The following AGAP6 variants were observed in gnomAD, a reference collection of about 807,000 sequenced individuals.
AGAP6 encodes ArfGAP with GTPase domain, ankyrin repeat and PH domain 6.
In AGAP6, 29 loss-of-function variants were observed where a neutral mutation model predicts 63.9. The observed-to-expected ratio is 0.45, with a 90% CI of 0.34 to 0.62. The LOEUF (loss-of-function observed/expected upper bound fraction) is 0.62. AGAP6 is among the 20% of genes least tolerant of loss of function. The probability of loss-of-function intolerance (pLI) is 0.01; values close to 1 mark genes in which losing one functional copy is unlikely to be tolerated. For synonymous variants in AGAP6, 199 were observed against 332.9 expected, an observed-to-expected ratio of 0.60 and a Z score of 4.38; for missense variants, 493 against 884.9, an observed-to-expected ratio of 0.56 and a Z score of 5.62.
chr10:49,993,695 C>G (rs1309190343), intron 3 of AGAP6, among the ~76,000 whole-genome samples: 2 of 151,934 alleles, frequency 1.3e-5, no homozygotes, highest in African/African-American at 2.4e-5. Flanking sequence ...TGGCATGTGC[C>G]TGTACTCCCA....
chr10:49,989,655 G>A (rs1409015098), intron 2 of AGAP6, among the ~76,000 whole-genome samples: 1 of 152,102 alleles, frequency 6.6e-6, no homozygotes, highest in East Asian at 1.9e-4. Context: ...TGCCACGGGA[G>A]AGGCTATATG....
chr10:49,990,656 A>G (rs1841234559), intron 2 of AGAP6, among the ~76,000 whole-genome samples: 2 of 152,170 alleles, frequency 1.3e-5, no homozygotes, highest in Admixed American at 1.3e-4. Context: ...TTGCATCATA[A>G]ACATATTAAA....
intron 6 of AGAP6, among the ~76,000 whole-genome samples, chr10:50,007,051 AT>A (rs2132160821): frequency 6.6e-6 from 1 of 151,582 alleles, no homozygotes; most frequent in East Asian, 2.0e-4. Flanking sequence ...ACTTTCACAA[AT>A]TTTTAAAATT....
At chr10:49,989,279 C>T (rs1445754353) in intron 1 of AGAP6, 29 bp from the exon 2 acceptor site, 4 of 1,595,720 alleles carry the variant, frequency 2.5e-6, no homozygotes, top group East Asian at 4.5e-5. Context: ...TGATTACATC[C>T]TTTTTCTTTT....
rs1332961409 is a variant in AGAP6 at position 50,001,158 on chromosome 10, G to A, written c.397-838G>A. Among the ~76,000 whole-genome samples, 33 of 148,630 alleles carry A rather than the reference G, an allele frequency of 2.2e-4. No individual in the cohort carries two copies. In the East Asian group the frequency reaches 5.7e-3, roughly 26 times the overall value. On this transcript the variant is annotated intron_variant, in intron 4 of 7. Transcript: ENST00000412531. ...ATCCTGGCTAACACGGTGAAACCCC[G>A]TCTCTACTAAAAATACAAAAAGTTA...
At chr10:50,001,216 G>C (rs1229631057) in intron 4 of AGAP6, among the ~76,000 whole-genome samples, 1 of 148,284 alleles carries the variant, frequency 6.7e-6, no homozygotes, top group Admixed American at 6.7e-5. Context: ...TGTAGTCCCA[G>C]CTACTCAGGA....
chr10:50,010,281 C>G lies in AGAP6; in HGVS notation c.*95C>G. The G allele has an allele frequency of 1.2e-6, 2 of 1,603,888 alleles. No individual in the cohort carries two copies. Among genetic ancestry groups the G allele is most frequent in the South Asian group, 1.1e-5 (1 of 90,460 alleles). On this transcript the variant is annotated 3_prime_UTR_variant, in exon 8 of 8. Transcript: ENST00000412531. ...TTTCAAAAGGAAATCACAAATTCAG[C>G]TAATATTAGCATTTTCAGTACTTTT... is the stretch of plus-strand genomic sequence containing the variant.
At position 50,009,682 on chromosome 10, in the gene AGAP6, G is replaced by A. The variant is rs781884810; in HGVS notation, c.1557G>A (p.Leu519=). The part of the protein sequence containing the change: ...LGPHLSRVRS[L]ELDDWPVELR... Reference sequence around the variant, plus strand: ...CCCACCTTTCCCGTGTGCGATCTCTGGAGCTGGATGACTGGCCAGTTGAGC... The same window carrying A: ...CCCACCTTTCCCGTGTGCGATCTCTAGAGCTGGATGACTGGCCAGTTGAGC... The change falls in exon 8 of 8, where the codon CTG becomes CTA. Residue 519 remains leucine, a synonymous_variant. Transcript: ENST00000412531. The A allele has an allele frequency of 9.9e-6, 16 of 1,614,114 alleles. No individual in the cohort carries two copies. The South Asian group carries it at 1.6e-4, about 17-fold the overall frequency.
Position 50,009,771 on chromosome 10 carries a change from A to G in AGAP6, c.1646A>G (p.Gln549Arg). The change falls in exon 8 of 8, where the codon CAG becomes CGG. Residue 549 changes from glutamine to arginine, a missense_variant. Around this residue, in one of 7 missense-constraint regions of AGAP6, gnomAD observed 87 missense variants for 92.9 expected, o/e 0.94. Transcript: ENST00000412531. ...LANSIWEGSS[Q>R]GQTKPSEKST... ...AACAGCATCTGGGAAGGGAGCAGCC[A>G]GGGGCAGACAAAACCCTCAGAAAAG... The G allele has an allele frequency of 4.3e-6, 7 of 1,614,014 alleles. No individual in the cohort carries two copies. Among genetic ancestry groups the G allele is most frequent in the Non-Finnish European group, 4.2e-6 (5 of 1,179,964 alleles).
Position 50,004,614 on chromosome 10 carries a change from C to G in AGAP6, c.498-71C>G. The G allele has an allele frequency of 3.9e-6, 3 of 767,704 alleles. No individual in the cohort carries two copies. In the South Asian group the frequency reaches 5.7e-5, roughly 15 times the overall value. The allele number at this position is 767,704 out of a possible 1,614,324, so 47.6% of individuals were successfully genotyped here. A position where few individuals can be genotyped will look rare whatever the true frequency, so the allele number is the denominator to read the frequency against. On this transcript the variant is annotated intron_variant, in intron 5 of 7. Coordinates refer to ENST00000412531, the MANE Select transcript of AGAP6 (RefSeq NM_001077665.3). ...CCGCTAGGAGAGTTTCCTCTGCCCC[C>G]CTTTTAAAAAATGTCTTCAGGCCTA... is the stretch of plus-strand genomic sequence containing the variant.
At chr10:49,995,886 T>C (rs1185124680) in intron 4 of AGAP6, among the ~76,000 whole-genome samples, 13 of 152,208 alleles carry the variant, frequency 8.5e-5, no homozygotes, top group African/African-American at 1.2e-4. Context: ...ATTGCCAGTG[T>C]GTGATACGTT....
At chr10:49,992,596 G>T (rs188405634) in intron 3 of AGAP6, among the ~76,000 whole-genome samples, 1 of 152,136 alleles carries the variant, frequency 6.6e-6, no homozygotes, top group Non-Finnish European at 1.5e-5. Flanking sequence ...ATAACAAAAA[G>T]ATGTTTAACT....
Position 49,999,376 on chromosome 10 carries a change from A to T in AGAP6, c.397-2620A>T, listed in dbSNP as rs1443206646. 2.2e-5 allele frequency among the ~76,000 whole-genome samples: 3 copies of T among 138,876 alleles called. 1 individual carries two copies. The highest frequency in any genetic ancestry group is 3.1e-5 in the Non-Finnish European group (2 of 65,420). 91.1% of individuals were successfully genotyped at this position (138,876 alleles called of 152,430 possible). The stretch of plus-strand genomic sequence containing the variant: ...AAAACAAAAAATCACATGATCATCT[A>T]AACAGATGCAGAAAAAGCATTTGAC... On this transcript the variant is annotated intron_variant, in intron 4 of 7. Transcript: ENST00000412531.
At chr10:49,993,163 T>G (rs1841347371) in intron 3 of AGAP6, among the ~76,000 whole-genome samples, 1 of 152,084 alleles carries the variant, frequency 6.6e-6, no homozygotes, top group Non-Finnish European at 1.5e-5. Flanking sequence ...CCCAAACACC[T>G]CCCACTAGGC....
Position 49,988,914 on chromosome 10 carries a change from G to A in AGAP6, c.199G>A (p.Val67Ile), listed in dbSNP as rs548795771. 7.8e-5 allele frequency: 125 copies of A among 1,598,980 alleles called. 1 individual carries two copies. The East Asian group carries it at 1.6e-3, about 21-fold the overall frequency. ...EVGEDLHMHH[V>I]RDREMPEALE... ...TGGTGAGGACCTCCACATGCACCAC[G>A]TTCGTGACCGGGAGATGCCTGAAGG... Residue 67 changes from valine to isoleucine, a missense_variant, in exon 1 of 8, where the codon GTT becomes ATT. Physicochemically the swap from Val to Ile is conservative, Grantham distance 29 (BLOSUM62 3). Around this residue, in one of 7 missense-constraint regions of AGAP6, gnomAD observed 342 missense variants for 533.4 expected, o/e 0.64. Coordinates refer to ENST00000412531, the MANE Select transcript of AGAP6 (RefSeq NM_001077665.3).
Position 50,010,259 on chromosome 10 carries a change from C to A in AGAP6, c.*73C>A, listed in dbSNP as rs565861090. On this transcript the variant is annotated 3_prime_UTR_variant, in exon 8 of 8. Coordinates refer to ENST00000412531, the MANE Select transcript of AGAP6 (RefSeq NM_001077665.3). The stretch of plus-strand genomic sequence containing the variant: ...GAAAAATAAGGATAACTCAGAATTT[C>A]AAAAGGAAATCACAAATTCAGCTAA... 4 of 1,600,530 alleles carry A rather than the reference C, an allele frequency of 2.5e-6. No homozygotes were observed. The East Asian group carries it at 9.0e-5, about 36-fold the overall frequency.
chr10:49,996,230 G>A (rs1237847298), intron 4 of AGAP6, among the ~76,000 whole-genome samples: 1 of 151,962 alleles, frequency 6.6e-6, no homozygotes, highest in Non-Finnish European at 1.5e-5. Flanking sequence ...AATTTTTGGA[G>A]TGTTTTAAGA....
chr10:50,001,126 C>G (rs1472349908), intron 4 of AGAP6, among the ~76,000 whole-genome samples: 6 of 151,328 alleles, frequency 4.0e-5, no homozygotes, highest in Non-Finnish European at 8.9e-5. Context: ...GTGAGGAGAT[C>G]GAGACCATCC....
chr10:49,994,085 C>T (rs564908971), intron 3 of AGAP6, among the ~76,000 whole-genome samples: 55 of 152,138 alleles, frequency 3.6e-4, no homozygotes, highest in South Asian at 8.3e-4. Flanking sequence ...CTCATATATG[C>T]AACAGTTAAA....
Sources: allele counts gnomAD v4.1 joint callset (sites outside exome capture counted in the v4.1 genomes callset), GRCh38; gene constraint gnomAD v4.1.1; regional missense constraint gnomAD v4.1.1; transcripts MANE v1.5; gene names NCBI Gene and HGNC (gene_info 2026-07-23, HGNC 2026-07-21).